Variants in FNDC3B observed in about 807,000 individuals in gnomAD.
The protein encoded by FNDC3B is fibronectin type III domain containing 3B, also known as fibronectin type III domain-containing protein 3B.
Under a neutral mutation model 151.5 loss-of-function variants are expected in FNDC3B, and 12 were observed. The observed-to-expected ratio is 0.08, with a 90% CI of 0.05 to 0.13. The LOEUF is 0.13. FNDC3B is among the 10% of genes least tolerant of loss of function. FNDC3B has a pLI of 1.00. For missense variants in FNDC3B, 1,214 were observed against 1,505.3 expected, an observed-to-expected ratio of 0.81 and a Z score of 3.20; for synonymous variants, 528 against 549.0, an observed-to-expected ratio of 0.96 and a Z score of 0.54.
chr3:172,215,115 AT>A (rs1203777369), intron 3 of FNDC3B, among the ~76,000 whole-genome samples: 1 of 152,258 alleles, frequency 6.6e-6, no homozygotes, highest in African/African-American at 2.4e-5. Context: ...CTGGTTAATA[AT>A]TTCAGCACTA....
chr3:172,188,599 G>A (rs866480843), intron 3 of FNDC3B, among the ~76,000 whole-genome samples: 93 of 151,988 alleles, frequency 6.1e-4, no homozygotes, highest in Middle Eastern at 3.4e-3. Flanking sequence ...TAGAGATGGG[G>A]TTTCACCATG....
At chr3:172,281,322 T>C (rs1408771506) in intron 6 of FNDC3B, among the ~76,000 whole-genome samples, 1 of 152,024 alleles carries the variant, frequency 6.6e-6, no homozygotes, top group Non-Finnish European at 1.5e-5. Context: ...CTCAGCTCAC[T>C]GCAACCTCCA....
At chr3:172,334,257 G>A (rs904286548) in intron 14 of FNDC3B, among the ~76,000 whole-genome samples, 3 of 151,862 alleles carry the variant, frequency 2.0e-5, no homozygotes, top group African/African-American at 7.3e-5. Flanking sequence ...TAGCTATACT[G>A]CTAACGTTTC....
chr3:172,329,170 C>A, intron 12 of FNDC3B, 94 bp downstream of exon 12: 1 of 1,390,434 alleles, frequency 7.2e-7, no homozygotes, highest in Non-Finnish European at 9.8e-7. Context: ...AAGCCTGCTG[C>A]CTCCACACTA....
At chr3:172,260,132 C>A (rs1012604210) in intron 6 of FNDC3B, among the ~76,000 whole-genome samples, 4 of 152,228 alleles carry the variant, frequency 2.6e-5, no homozygotes, top group Admixed American at 1.3e-4. Context: ...TAAATGTCAT[C>A]CCAAAGAACC....
At chr3:172,136,685 T>C (rs1424392146) in intron 3 of FNDC3B, among the ~76,000 whole-genome samples, 1 of 152,216 alleles carries the variant, frequency 6.6e-6, no homozygotes, top group Non-Finnish European at 1.5e-5. Flanking sequence ...CTTATGTTCT[T>C]TGAACACTGG....
chr3:172,186,737 T>C (rs1158456052), intron 3 of FNDC3B: 5 of 702,744 alleles, frequency 7.1e-6, no homozygotes, highest in South Asian at 3.0e-5. Flanking sequence ...GAGCCTGCGA[T>C]TGAAGATTTT....
chr3:172,397,915 TCA>T lies in FNDC3B; in HGVS notation c.*441_*442del, dbSNP rs1006475871. 2.0e-5 allele frequency: 3 copies of T among 153,404 alleles called. No homozygotes were observed. Among genetic ancestry groups the T allele is most frequent in the African/African-American group, 7.2e-5 (3 of 41,446 alleles). 9.5% of individuals were successfully genotyped at this position (153,404 alleles called of 1,614,324 possible). A position where few individuals can be genotyped will look rare whatever the true frequency, so the allele number is the denominator to read the frequency against. ...TGTGTGTACTTACAGGGCTAGGATTTCAGTGTTGTCAGAGTATTACCACACAG... is the reference window on the plus strand; with the variant it reads ...TGTGTGTACTTACAGGGCTAGGATTTGTGTTGTCAGAGTATTACCACACAG... On this transcript the variant is annotated 3_prime_UTR_variant, in exon 26 of 26. Coordinates refer to ENST00000415807, the MANE Select transcript of FNDC3B (RefSeq NM_022763.4).
At chr3:172,125,282 G>A (rs920302480) in intron 2 of FNDC3B, among the ~76,000 whole-genome samples, 1 of 152,176 alleles carries the variant, frequency 6.6e-6, no homozygotes, top group Non-Finnish European at 1.5e-5. Context: ...TGGAGGTCAG[G>A]CTTGTGTTTG....
At chr3:172,394,589 T>C (rs1350131342) in intron 25 of FNDC3B, among the ~76,000 whole-genome samples, 1 of 152,036 alleles carries the variant, frequency 6.6e-6, no homozygotes, top group African/African-American at 2.4e-5. Flanking sequence ...GGAGATGAAA[T>C]CAATAAGTTT....
intron 7 of FNDC3B, among the ~76,000 whole-genome samples, chr3:172,286,210 G>A (rs1474971326): frequency 2.0e-5 from 3 of 151,782 alleles, no homozygotes; most frequent in African/African-American, 7.3e-5. Context: ...TCTTTATTTA[G>A]GTATTCTGAA....
intron 1 of FNDC3B, among the ~76,000 whole-genome samples, chr3:172,059,305 A>G (rs1046707673): frequency 6.6e-6 from 1 of 152,130 alleles, no homozygotes; most frequent in African/African-American, 2.4e-5. Flanking sequence ...TTTGATATTA[A>G]TAGTAAGAAG....
At chr3:172,114,667 C>T (rs1413814536) in intron 2 of FNDC3B, among the ~76,000 whole-genome samples, 1 of 152,200 alleles carries the variant, frequency 6.6e-6, no homozygotes, top group Non-Finnish European at 1.5e-5. Flanking sequence ...AGGAGAATCC[C>T]TTGAGCCCAG....
intron 23 of FNDC3B, among the ~76,000 whole-genome samples, chr3:172,373,439 C>T (rs1030233500): frequency 2.6e-5 from 4 of 152,166 alleles, no homozygotes; most frequent in Admixed American, 2.6e-4. Flanking sequence ...AGGAAGAGGA[C>T]TAGGAAAGCT....
intron 4 of FNDC3B, among the ~76,000 whole-genome samples, chr3:172,241,974 C>T (rs1410642689): frequency 3.3e-5 from 5 of 152,226 alleles, no homozygotes; most frequent in Admixed American, 1.3e-4. Flanking sequence ...AATGAGGGTA[C>T]AGGCATTGGG....
intron 2 of FNDC3B, among the ~76,000 whole-genome samples, chr3:172,118,532 G>A (rs1044375464): frequency 6.6e-6 from 1 of 152,216 alleles, no homozygotes; most frequent in East Asian, 1.9e-4. Context: ...ATTCAGATGA[G>A]AATGGGAGTG....
chr3:172,188,381 T>C (rs1194415113), intron 3 of FNDC3B, among the ~76,000 whole-genome samples: 3 of 151,736 alleles, frequency 2.0e-5, no homozygotes, highest in Non-Finnish European at 2.9e-5. Context: ...ATGTTTAGAG[T>C]GGTGGAACTG....
At chr3:172,287,010 G>A (rs1037478352) in intron 7 of FNDC3B, among the ~76,000 whole-genome samples, 12 of 152,120 alleles carry the variant, frequency 7.9e-5, no homozygotes, top group African/African-American at 2.2e-4. Flanking sequence ...GATAGAATAC[G>A]GCACTATAAC....
rs1324497278 is a variant in FNDC3B at position 172,329,048 on chromosome 3, C to T, written c.1351C>T (p.Leu451=). ...LCPAMGYTFR[L]AARNDIGTSG... ...TCCGGCAATGGGGTACACATTCAGGCTGGCCGCTCGAAACGACATTGGTAC... is the reference window on the plus strand; with the variant it reads ...TCCGGCAATGGGGTACACATTCAGGTTGGCCGCTCGAAACGACATTGGTAC... The change falls in exon 12 of 26, where the codon CTG becomes TTG. Residue 451 remains leucine (L), a synonymous_variant. Coordinates refer to ENST00000415807, the MANE Select transcript of FNDC3B (RefSeq NM_022763.4). The T allele has an allele frequency of 2.5e-6, 4 of 1,613,392 alleles. No individual in the cohort carries two copies. In the African/African-American group the frequency reaches 5.3e-5, roughly 22 times the overall value.
Sources: allele counts gnomAD v4.1 joint callset (sites outside exome capture counted in the v4.1 genomes callset), GRCh38; gene constraint gnomAD v4.1.1; transcripts MANE v1.5; gene names NCBI Gene and HGNC (gene_info 2026-07-23, HGNC 2026-07-21).